Variants in GALNT13 observed in about 807,000 individuals in gnomAD.
GALNT13 encodes UDP-GalNAc:polypeptide N-acetylgalactosaminyltransferase 13.
Under a neutral mutation model 64.2 loss-of-function variants are expected in GALNT13, and 28 were observed. The observed-to-expected ratio is 0.44, with a 90% confidence interval of 0.32 to 0.60. The LOEUF is 0.60. Among genes scored for constraint, GALNT13 ranks in the 20% least tolerant of loss-of-function variants. The pLI is 0.05. For missense variants in GALNT13, 577 were observed against 669.8 expected, an observed-to-expected ratio of 0.86 and a Z score of 1.53; for synonymous variants, 214 against 224.6, an observed-to-expected ratio of 0.95 and a Z score of 0.42.
At chr2:153,077,554 T>C in the GALNT13 span, among the ~76,000 whole-genome samples, 1 of 152,184 alleles carries the variant, frequency 6.6e-6, no homozygotes, top group Non-Finnish European at 1.5e-5. Context: ...TTTAATCACA[T>C]AACCATATGT....
chr2:153,504,372 G>GATTT, the GALNT13 span, among the ~76,000 whole-genome samples: 1 of 152,104 alleles, frequency 6.6e-6, no homozygotes, highest in African/African-American at 2.4e-5. Flanking sequence ...GGATGCTCTT[G>GATTT]ATTTCTTTCT....
the GALNT13 span, among the ~76,000 whole-genome samples, chr2:153,194,671 C>T: frequency 3.9e-4 from 60 of 152,246 alleles, no homozygotes; most frequent in Middle Eastern, 0.014. Flanking sequence ...TTGTGTCTTT[C>T]ATTGATATTA....
chr2:153,146,567 T>C, the GALNT13 span, among the ~76,000 whole-genome samples: 119,858 of 151,822 alleles, frequency 0.79, 47,573 homozygotes, highest in East Asian at 0.96. Flanking sequence ...CAGGGTACAT[T>C]ACAGAAATGT....
chr2:153,560,222 A>G, the GALNT13 span, among the ~76,000 whole-genome samples: 1 of 152,160 alleles, frequency 6.6e-6, no homozygotes, highest in East Asian at 1.9e-4. Flanking sequence ...GTGGGTTAAC[A>G]TTGTTTCTAG....
At chr2:154,134,735 T>C (rs1039134475) in intron 3 of GALNT13, among the ~76,000 whole-genome samples, 1 of 152,230 alleles carries the variant, frequency 6.6e-6, no homozygotes, top group African/African-American at 2.4e-5. Context: ...CTAACGCCTG[T>C]AATCCCGACA....
At chr2:153,073,838 T>C in the GALNT13 span, among the ~76,000 whole-genome samples, 1 of 152,334 alleles carries the variant, frequency 6.6e-6, no homozygotes, top group African/African-American at 2.4e-5. Context: ...AAATCTTTAA[T>C]CTACATGTTG....
the GALNT13 span, among the ~76,000 whole-genome samples, chr2:153,364,850 A>G: frequency 6.6e-6 from 1 of 152,180 alleles, no homozygotes; most frequent in Non-Finnish European, 1.5e-5. Context: ...CCATCAAACT[A>G]CCATTGACAT....
At chr2:153,329,358 T>C in the GALNT13 span, among the ~76,000 whole-genome samples, 1 of 152,184 alleles carries the variant, frequency 6.6e-6, no homozygotes, top group East Asian at 1.9e-4. Context: ...CCAAACTGCT[T>C]TCCACAGTAG....
chr2:154,438,528 G>C, intron 11 of GALNT13, 64 bp from the exon 12 acceptor site: 1 of 1,253,824 alleles, frequency 8.0e-7, no homozygotes, highest in Non-Finnish European at 1.2e-6. Context: ...TCCCTGGATA[G>C]ATCTGCTCTA....
At chr2:153,927,041 C>G (rs1690191524) in intron 2 of GALNT13, among the ~76,000 whole-genome samples, 1 of 151,930 alleles carries the variant, frequency 6.6e-6, no homozygotes, top group East Asian at 1.9e-4. Context: ...GTCATAATAT[C>G]TCTTAACTTA....
the GALNT13 span, among the ~76,000 whole-genome samples, chr2:153,597,718 A>T: frequency 1.3e-5 from 2 of 152,264 alleles, no homozygotes; most frequent in African/African-American, 4.8e-5. Flanking sequence ...TTTGCAAATC[A>T]TATATATGAT....
chr2:153,702,005 A>C, the GALNT13 span, among the ~76,000 whole-genome samples: 1 of 152,196 alleles, frequency 6.6e-6, no homozygotes, highest in Admixed American at 6.5e-5. Flanking sequence ...AATATAAATT[A>C]TTCTACTCTA....
chr2:153,310,819 T>A, the GALNT13 span, among the ~76,000 whole-genome samples: 4 of 152,146 alleles, frequency 2.6e-5, no homozygotes, highest in Middle Eastern at 3.2e-3. Flanking sequence ...GGATCAGCTA[T>A]ACTTAAGAAT....
At chr2:153,562,676 T>G in the GALNT13 span, among the ~76,000 whole-genome samples, 8 of 152,162 alleles carry the variant, frequency 5.3e-5, no homozygotes, top group Non-Finnish European at 1.0e-4. Flanking sequence ...TCAATATTCT[T>G]GCAAATTTAT....
intron 3 of GALNT13, among the ~76,000 whole-genome samples, chr2:154,078,615 A>G (rs1460401012): frequency 6.6e-6 from 1 of 151,414 alleles, no homozygotes; most frequent in Non-Finnish European, 1.5e-5. Flanking sequence ...ATTTAAATGT[A>G]CTTATATTTT....
chr2:153,509,756 C>T, the GALNT13 span, among the ~76,000 whole-genome samples: 8 of 152,164 alleles, frequency 5.3e-5, no homozygotes, highest in Non-Finnish European at 1.0e-4. Flanking sequence ...CTAGACCATG[C>T]AAAGCTTTGG....
chr2:153,864,324 G>C, the GALNT13 span, among the ~76,000 whole-genome samples: 4 of 152,120 alleles, frequency 2.6e-5, no homozygotes, highest in African/African-American at 4.8e-5. Flanking sequence ...GAAAAGGTCT[G>C]ATGGGGGGAA....
chr2:154,383,562 G>T (rs1298617159), intron 9 of GALNT13, among the ~76,000 whole-genome samples: 1 of 151,844 alleles, frequency 6.6e-6, no homozygotes, highest in East Asian at 1.9e-4. Flanking sequence ...GTCTTCCTGG[G>T]TCATACTGTG....
chr2:153,187,603 G>C, the GALNT13 span: 15 of 152,054 alleles, frequency 9.9e-5, no homozygotes, highest in Non-Finnish European at 1.8e-4. Context: ...TGAAACATGA[G>C]ACCTCCTATT....
Sources: gnomAD v4.1 joint callset for allele counts (sites outside exome capture counted in the v4.1 genomes callset) on GRCh38, gnomAD v4.1.1 for gene constraint, MANE v1.5 for transcripts, NCBI Gene and HGNC (gene_info 2026-07-23, HGNC 2026-07-21) for gene names.